The following PDLIM5 variants were observed in gnomAD, a reference collection of about 807,000 sequenced individuals.
The protein encoded by PDLIM5 is PDZ and LIM domain protein 5.
In PDLIM5, 34 loss-of-function variants were observed where a neutral mutation model predicts 64.2. The observed-to-expected ratio is 0.53, with a 90% CI of 0.40 to 0.71. The LOEUF is 0.71. Among genes scored for constraint, PDLIM5 ranks in the 30% least tolerant of loss-of-function variants. The pLI is 0.00. For synonymous variants in PDLIM5, 253 were observed against 269.1 expected, an observed-to-expected ratio of 0.94 and a Z score of 0.59; for missense variants, 683 against 733.6, an observed-to-expected ratio of 0.93 and a Z score of 0.80.
chr4:94,518,995 C>G (rs552286768), intron 2 of PDLIM5, among the ~76,000 whole-genome samples: 2 of 152,122 alleles, frequency 1.3e-5, no homozygotes, highest in South Asian at 4.1e-4. Flanking sequence ...AGTGGCAACA[C>G]CTAACTGTCC....
chr4:94,505,986 T>C (rs936371282), intron 2 of PDLIM5, among the ~76,000 whole-genome samples: 1 of 152,170 alleles, frequency 6.6e-6, no homozygotes. Flanking sequence ...CCCAAACTTA[T>C]CATGCCTTGG....
At chr4:94,544,886 T>A (rs1253539438) in intron 3 of PDLIM5, among the ~76,000 whole-genome samples, 3 of 152,220 alleles carry the variant, frequency 2.0e-5, no homozygotes, top group Non-Finnish European at 4.4e-5. Flanking sequence ...GCATGAGATT[T>A]ATTGATGAAT....
chr4:94,504,209 C>CA (rs760509789), intron 2 of PDLIM5, among the ~76,000 whole-genome samples: 52 of 150,878 alleles, frequency 3.4e-4, no homozygotes, highest in Non-Finnish European at 7.1e-4. Flanking sequence ...GCATTTTCTA[C>CA]AAAAAAGCAA....
At chr4:94,611,395 C>T (rs917023892) in intron 7 of PDLIM5, among the ~76,000 whole-genome samples, 6 of 152,192 alleles carry the variant, frequency 3.9e-5, no homozygotes, top group African/African-American at 1.4e-4. Flanking sequence ...TATTAACTCA[C>T]CTTTTAACCT....
At chr4:94,583,550 A>G (rs895482602) in intron 5 of PDLIM5, among the ~76,000 whole-genome samples, 1 of 152,186 alleles carries the variant, frequency 6.6e-6, no homozygotes, top group African/African-American at 2.4e-5. Flanking sequence ...TATGGCTGCC[A>G]AAGGCAGTGT....
intron 7 of PDLIM5, among the ~76,000 whole-genome samples, chr4:94,609,549 T>A (rs1278885154): frequency 6.6e-6 from 1 of 152,206 alleles, no homozygotes; most frequent in East Asian, 1.9e-4. Context: ...TTGATCATAT[T>A]CACTGTAACA....
At chr4:94,514,245 C>T (rs1405910759) in intron 2 of PDLIM5, among the ~76,000 whole-genome samples, 1 of 151,138 alleles carries the variant, frequency 6.6e-6, no homozygotes, top group African/African-American at 2.4e-5. Context: ...TGCCATTCTC[C>T]TCTCTCAGCC....
At chr4:94,552,815 A>G (rs1732928281) in intron 3 of PDLIM5, among the ~76,000 whole-genome samples, 1 of 152,152 alleles carries the variant, frequency 6.6e-6, no homozygotes, top group African/African-American at 2.4e-5. Context: ...CTAATTTTAT[A>G]TGGTGGTAGC....
intron 7 of PDLIM5, among the ~76,000 whole-genome samples, chr4:94,590,781 A>C (rs1027919914): frequency 1.3e-5 from 2 of 151,974 alleles, no homozygotes; most frequent in African/African-American, 4.8e-5. Context: ...GAAAAACAGA[A>C]CTCCTGTACA....
chr4:94,642,583 C>A (rs983908410), intron 9 of PDLIM5, among the ~76,000 whole-genome samples: 5 of 152,102 alleles, frequency 3.3e-5, no homozygotes, highest in African/African-American at 1.2e-4. Flanking sequence ...ATCAGTTAAG[C>A]ATTAAAGCTT....
intron 2 of PDLIM5, among the ~76,000 whole-genome samples, chr4:94,503,252 A>T (rs73833922): frequency 0.022 from 3,406 of 152,148 alleles, 118 homozygotes; most frequent in African/African-American, 0.074. Context: ...CTCCCTCACC[A>T]CCTAAACTGC....
chr4:94,639,995 C>G (rs1004575563), intron 8 of PDLIM5, among the ~76,000 whole-genome samples: 30 of 151,998 alleles, frequency 2.0e-4, no homozygotes, highest in African/African-American at 7.2e-4. Flanking sequence ...CCATTGCACT[C>G]CAGCCTGGGC....
chr4:94,648,791 C>T (rs916239663), intron 9 of PDLIM5, among the ~76,000 whole-genome samples: 3 of 152,106 alleles, frequency 2.0e-5, no homozygotes, highest in Non-Finnish European at 4.4e-5. Context: ...CCTTATAGGC[C>T]GTCCCCACCT....
chr4:94,654,382 G>A, intron 9 of PDLIM5, 78 bp from the exon 10 acceptor site: 1 of 887,096 alleles, frequency 1.1e-6, no homozygotes, highest in Middle Eastern at 2.2e-4. Context: ...GTTGGACATT[G>A]CATAAAAGAG....
chr4:94,571,804 C>T (rs1225784772), intron 3 of PDLIM5, among the ~76,000 whole-genome samples: 1 of 152,180 alleles, frequency 6.6e-6, no homozygotes, highest in Non-Finnish European at 1.5e-5. Context: ...TCCTTATTCA[C>T]TGGAATCCAC....
chr4:94,494,680 T>C (rs1389237086), intron 2 of PDLIM5, among the ~76,000 whole-genome samples: 2 of 151,602 alleles, frequency 1.3e-5, no homozygotes, highest in East Asian at 3.9e-4. Context: ...CCTCAAGTGA[T>C]CCACCTGCTT....
chr4:94,590,580 C>A (rs1736596846), intron 7 of PDLIM5, among the ~76,000 whole-genome samples: 1 of 152,100 alleles, frequency 6.6e-6, no homozygotes, highest in Admixed American at 6.5e-5. Context: ...TTGGCTTAGT[C>A]AGGGAAGGAT....
Position 94,617,295 on chromosome 4 carries a change from A to G in PDLIM5, c.921-709A>G, listed in dbSNP as rs564211514. Among the ~76,000 whole-genome samples the G allele has an allele frequency of 3.9e-5, 6 of 152,332 alleles. 1 individual carries two copies. In the South Asian group the frequency reaches 1.2e-3, roughly 32 times the overall value. On this transcript the variant is annotated intron_variant, in intron 7 of 12. Coordinates refer to ENST00000317968, the MANE Select transcript of PDLIM5 (RefSeq NM_006457.5). The stretch of plus-strand genomic sequence containing the variant: ...TCTTCAAAACCAAACTGGAACTAGC[A>G]TAGATAAGACCTGCTGTTTAAACAG...
intron 8 of PDLIM5, among the ~76,000 whole-genome samples, chr4:94,636,539 C>CTTT (rs770256162): frequency 0.011 from 1,461 of 133,826 alleles, 33 homozygotes; most frequent in African/African-American, 0.038. Context: ...AGAGTTCGTA[C>CTTT]TTTTTTTTTT....
Sources: allele counts gnomAD v4.1 joint callset (sites outside exome capture counted in the v4.1 genomes callset), GRCh38; gene constraint gnomAD v4.1.1; transcripts MANE v1.5; gene names NCBI Gene and HGNC (gene_info 2026-07-23, HGNC 2026-07-21).